Variants in KIF1B observed in about 807,000 individuals in gnomAD.
KIF1B encodes the protein kinesin-like protein KIF1B.
KIF1B carries 76 observed loss-of-function variants against 241.9 expected under a neutral mutation model. That is an observed-to-expected ratio of 0.31 (90% confidence interval 0.26 to 0.38). The LOEUF is 0.38. Ranked by LOEUF, KIF1B falls within the 10% of genes least tolerant of loss-of-function variation. The pLI is 1.00. For missense variants in KIF1B, 1,622 were observed against 2,271.4 expected, an observed-to-expected ratio of 0.71 and a Z score of 5.81; for synonymous variants, 750 against 796.7, an observed-to-expected ratio of 0.94 and a Z score of 0.99.
At chr1:10,329,059 C>G (rs1178857245) in intron 27 of KIF1B, among the ~76,000 whole-genome samples, 1 of 152,154 alleles carries the variant, frequency 6.6e-6, no homozygotes, top group African/African-American at 2.4e-5. Context: ...TTATAGTTTT[C>G]TTTCTTTTAA....
intron 15 of KIF1B, among the ~76,000 whole-genome samples, chr1:10,289,126 C>A (rs1649860868): frequency 6.6e-6 from 1 of 152,216 alleles, no homozygotes; most frequent in African/African-American, 2.4e-5. Context: ...CCATGACCAG[C>A]ATTTTCACCT....
At chr1:10,294,462 G>C (rs1490564545) in intron 17 of KIF1B, among the ~76,000 whole-genome samples, 1 of 152,108 alleles carries the variant, frequency 6.6e-6, no homozygotes, top group Non-Finnish European at 1.5e-5. Flanking sequence ...TTTTTACCCA[G>C]GCATTTACAA....
intron 2 of KIF1B, among the ~76,000 whole-genome samples, chr1:10,240,689 A>G (rs1647123557): frequency 6.8e-6 from 1 of 147,872 alleles, no homozygotes; most frequent in Non-Finnish European, 1.5e-5. Context: ...ATAAAAATGG[A>G]TTGAATGGAT....
At chr1:10,332,501 A>ATTTTTTTTTTT (rs568393252) in intron 27 of KIF1B, among the ~76,000 whole-genome samples, 1 of 58,634 alleles carries the variant, frequency 1.7e-5, no homozygotes, top group African/African-American at 6.6e-5. Context: ...GATAATAGTC[A>ATTTTTTTTTTT]TTTTTTTTTT....
intron 28 of KIF1B, 131 bp downstream of exon 28, chr1:10,334,769 C>G: frequency 1.4e-6 from 1 of 737,260 alleles, no homozygotes; most frequent in East Asian, 2.7e-5. Flanking sequence ...TATACAGACA[C>G]ATACTTTGGA....
intron 2 of KIF1B, among the ~76,000 whole-genome samples, chr1:10,238,181 GACCAGCCTGGGC>G (rs999847351): frequency 3.9e-5 from 6 of 151,960 alleles, no homozygotes; most frequent in African/African-American, 1.4e-4. Context: ...AGGATTTAGA[GACCAGCCTGGGC>G]AACATGGTGA....
At chr1:10,341,907 G>C in intron 32 of KIF1B, 143 bp from the exon 33 acceptor site, 1 of 669,566 alleles carries the variant, frequency 1.5e-6, no homozygotes, top group South Asian at 1.7e-5. Context: ...GGAGGGTGAG[G>C]CCGCATGAGC....
intron 6 of KIF1B, among the ~76,000 whole-genome samples, chr1:10,267,835 C>T (rs560410574): frequency 2.0e-5 from 3 of 152,112 alleles, no homozygotes; most frequent in South Asian, 2.1e-4. Flanking sequence ...TGTATATATG[C>T]GGCTGTGGTA....
rs768158211 is a variant in KIF1B, at chr1:10,374,500, A to T, written c.5096+35A>T. 11 of 1,610,622 alleles carry T rather than the reference A, an allele frequency of 6.8e-6. No homozygotes were observed. The highest frequency in any genetic ancestry group is 9.3e-6 in the Non-Finnish European group (11 of 1,177,020). On this transcript the variant is annotated intron_variant, in intron 46 of 48. Transcript: ENST00000676179. The surrounding 1 kb of genome is among the most constrained non-coding windows in gnomAD (Gnocchi z 4.3). ...ATATTGAGCAGGAATGCCAGCTATA[A>T]AAAACAAATCCACAGGAAGAAGTGA... is the stretch of plus-strand genomic sequence containing the variant.
rs947308431 is a variant in KIF1B at position 10,380,710 on chromosome 1, AAAAAG to A, written c.*4130_*4134del. On this transcript the variant is annotated 3_prime_UTR_variant, in exon 49 of 49. Transcript: ENST00000676179. ...GACAAAGCAGGACTCCGTCTCAAAA[AAAAAG>A]AAAAGATTCATGATGCTGCTGCTCC... 2.9e-5 allele frequency: 6 copies of A among 208,516 alleles called. No homozygotes were observed. Among genetic ancestry groups the A allele is most frequent in the African/African-American group, 1.1e-4 (5 of 44,048 alleles). 12.9% of individuals were successfully genotyped at this position (208,516 alleles called of 1,614,324 possible).
At chr1:10,341,993 A>T (rs2102322248) in intron 32 of KIF1B, 57 bp from the exon 33 acceptor site, 15 of 1,089,548 alleles carry the variant, frequency 1.4e-5, no homozygotes, top group Middle Eastern at 2.1e-4. Context: ...TAAAGTTCTG[A>T]TTGAAGCAAA....
chr1:10,357,767 G>A (rs1172567984), intron 38 of KIF1B, among the ~76,000 whole-genome samples: 1 of 151,918 alleles, frequency 6.6e-6, no homozygotes, highest in African/African-American at 2.4e-5. Flanking sequence ...CCAGCACTTT[G>A]GGAGGCCGAG....
intron 10 of KIF1B, 40 bp downstream of exon 10, chr1:10,273,071 T>G (rs1031998607): frequency 2.0e-6 from 3 of 1,484,088 alleles, no homozygotes; most frequent in African/African-American, 2.8e-5. Context: ...GAATTGACTT[T>G]TATGTTTTAA....
At chr1:10,323,082 A>C (rs1651585884) in intron 24 of KIF1B, among the ~76,000 whole-genome samples, 1 of 152,070 alleles carries the variant, frequency 6.6e-6, no homozygotes, top group Non-Finnish European at 1.5e-5. Context: ...GGCTGGTCTC[A>C]AACTCCTGGG....
Position 10,337,611 on chromosome 1 carries a change from C to A in KIF1B, c.3422+78C>A. The A allele has an allele frequency of 6.8e-7, 1 of 1,463,750 alleles. No homozygotes were observed. 90.7% of individuals were successfully genotyped at this position (1,463,750 alleles called of 1,614,324 possible). On this transcript the variant is annotated intron_variant, in intron 31 of 48. Coordinates refer to ENST00000676179, the MANE Select transcript of KIF1B (RefSeq NM_001365951.3). This position sits in a 1 kb window ranked among gnomAD's most constrained non-coding sequence, Gnocchi z 4.0. ...CTCTTGTGCACTGTAGAGTGCTTTA[C>A]ATGTGTGAGGGATTAACACTCTTGA...
At chr1:10,333,473 C>T (rs1372446247) in intron 27 of KIF1B, among the ~76,000 whole-genome samples, 16 of 152,034 alleles carry the variant, frequency 1.1e-4, no homozygotes, top group Admixed American at 9.8e-4. Flanking sequence ...GGGCGGATCA[C>T]GAGGTCAGGA....
intron 1 of KIF1B, among the ~76,000 whole-genome samples, chr1:10,222,537 A>G (rs1293557571): frequency 1.3e-5 from 2 of 152,180 alleles, no homozygotes; most frequent in Non-Finnish European, 2.9e-5. Flanking sequence ...ACACAAACCA[A>G]CCAAAAAACT....
At chr1:10,265,687 A>G (rs1648419964) in intron 5 of KIF1B, among the ~76,000 whole-genome samples, 1 of 152,024 alleles carries the variant, frequency 6.6e-6, no homozygotes, top group Non-Finnish European at 1.5e-5. Context: ...TCTGCAAAAA[A>G]AAATTTTTTT....
In KIF1B at chr1:10,376,862, C is replaced by T. The variant is rs1638905639; in HGVS notation, c.*275C>T. The T allele has an allele frequency of 1.1e-5, 5 of 448,086 alleles. No homozygotes were observed. Among genetic ancestry groups the T allele is most frequent in the Non-Finnish European group, 2.1e-5 (5 of 240,252 alleles). 27.8% of individuals were successfully genotyped at this position (448,086 alleles called of 1,614,324 possible). ...ACACACACACACACACACACACACA[C>T]ACACATACACAGACAAAAACACAAA... is the stretch of plus-strand genomic sequence containing the variant. On this transcript the variant is annotated 3_prime_UTR_variant, in exon 49 of 49. Transcript: ENST00000676179.
Sources: allele counts gnomAD v4.1 joint callset (sites outside exome capture counted in the v4.1 genomes callset), GRCh38; gene constraint gnomAD v4.1.1; non-coding constraint Gnocchi (gnomAD v3.1); transcripts MANE v1.5; gene names NCBI Gene and HGNC (gene_info 2026-07-23, HGNC 2026-07-21).